CLASP1: variants seen among roughly 807,000 people sequenced by gnomAD.
The protein encoded by CLASP1 is cytoplasmic linker associated protein 1.
Under a neutral mutation model 192.3 loss-of-function variants are expected in CLASP1, and 38 were observed. The ratio of observed to expected loss-of-function variants is 0.20; its 90% CI spans 0.15 to 0.26. The LOEUF is 0.26. Ranked by LOEUF, CLASP1 falls within the 10% of genes least tolerant of loss-of-function variation. CLASP1 has a pLI of 1.00. For missense variants in CLASP1, 1,433 were observed against 1,932.5 expected, an observed-to-expected ratio of 0.74 and a Z score of 4.85; for synonymous variants, 691 against 712.8, an observed-to-expected ratio of 0.97 and a Z score of 0.49.
rs1355413063 is a variant in CLASP1, at chr2:121,629,830, GCCATTTTTGTT to G, written c.-286+19531_-286+19541del. Among the ~76,000 whole-genome samples, 3 of 148,844 alleles carry G rather than the reference GCCATTTTTGTT, an allele frequency of 2.0e-5. No individual in the cohort carries two copies. The East Asian group carries it at 5.8e-4, about 29-fold the overall frequency. ...AAGCAAACTAGAAAACAAAAATGAT[GCCATTTTTGTT>G]TATAAAATAAAAACTTTTTTTTATA... On this transcript the variant is annotated intron_variant, in intron 1 of 39. Coordinates refer to ENST00000263710, the Ensembl canonical transcript of CLASP1.
At chr2:121,405,301 C>T (rs1338169895) in intron 25 of CLASP1, among the ~76,000 whole-genome samples, 1 of 152,194 alleles carries the variant, frequency 6.6e-6, no homozygotes, top group Admixed American at 6.5e-5. Context: ...AAGAGCGAAA[C>T]TCAGTCTCAA....
At chr2:121,426,181 A>C (rs1284870900) in intron 21 of CLASP1, among the ~76,000 whole-genome samples, 3 of 152,166 alleles carry the variant, frequency 2.0e-5, no homozygotes, top group Non-Finnish European at 4.4e-5. Flanking sequence ...AAGAAAATGC[A>C]AAGTAAAATA....
chr2:121,479,903 A>T (rs1383683651), intron 8 of CLASP1, among the ~76,000 whole-genome samples: 1 of 152,254 alleles, frequency 6.6e-6, no homozygotes, highest in Non-Finnish European at 1.5e-5. Flanking sequence ...CATTTTTGAC[A>T]ATACAAAGGT....
intron 22 of CLASP1, among the ~76,000 whole-genome samples, chr2:121,420,234 C>T (rs974112477): frequency 6.6e-6 from 1 of 152,024 alleles, no homozygotes; most frequent in Non-Finnish European, 1.5e-5. Context: ...CTTAATTTTG[C>T]CAGAGTGATG....
At chr2:121,354,629 A>C (rs2065068760) in intron 37 of CLASP1, among the ~76,000 whole-genome samples, 1 of 152,008 alleles carries the variant, frequency 6.6e-6, no homozygotes, top group Non-Finnish European at 1.5e-5. Flanking sequence ...ATCATAACAC[A>C]CCAGCCTGAA....
intron 2 of CLASP1, chr2:121,530,851 C>G (rs1019166126): frequency 1.5e-6 from 1 of 668,250 alleles, no homozygotes; most frequent in Middle Eastern, 3.8e-4. Context: ...TTGGCGCTTC[C>G]TGCTTGCAGC....
intron 34 of CLASP1, among the ~76,000 whole-genome samples, chr2:121,368,431 C>T (rs952367148): frequency 6.6e-6 from 1 of 152,108 alleles, no homozygotes; most frequent in Non-Finnish European, 1.5e-5. Flanking sequence ...AAGAACAGGA[C>T]TTTAGTATTT....
At chr2:121,635,584 A>G (rs1395770047) in intron 1 of CLASP1, among the ~76,000 whole-genome samples, 1 of 152,220 alleles carries the variant, frequency 6.6e-6, no homozygotes, top group Non-Finnish European at 1.5e-5. Context: ...GAGAGGTCTG[A>G]TCTCTTAGGG....
intron 1 of CLASP1, among the ~76,000 whole-genome samples, chr2:121,616,015 TAAG>T (rs988765831): frequency 2.0e-5 from 3 of 151,916 alleles, no homozygotes; most frequent in African/African-American, 7.3e-5. Flanking sequence ...ATGTGGGGCG[TAAG>T]AAGGAGAAAA....
intron 2 of CLASP1, among the ~76,000 whole-genome samples, chr2:121,544,987 T>C (rs2312588): frequency 0.25 from 37,596 of 151,342 alleles, 7,438 homozygotes; most frequent in African/African-American, 0.55. Flanking sequence ...TCTTGGCTCA[T>C]TGCAACCTCT....
At chr2:121,638,675 T>TTA (rs976785842) in intron 1 of CLASP1, among the ~76,000 whole-genome samples, 7 of 128,366 alleles carry the variant, frequency 5.5e-5, no homozygotes, top group East Asian at 2.2e-4. Flanking sequence ...TTTTTATTTT[T>TTA]TTTTTTTTTG....
intron 6 of CLASP1, among the ~76,000 whole-genome samples, chr2:121,519,633 A>G (rs1215468809): frequency 6.6e-6 from 1 of 152,238 alleles, no homozygotes; most frequent in African/African-American, 2.4e-5. Context: ...TTTGTGACCT[A>G]TAGTTTGTAT....
At chr2:121,551,552 G>A (rs1422205744) in intron 2 of CLASP1, among the ~76,000 whole-genome samples, 1 of 152,030 alleles carries the variant, frequency 6.6e-6, no homozygotes, top group Non-Finnish European at 1.5e-5. Flanking sequence ...GTATACACCA[G>A]CAACAGGCAA....
chr2:121,409,391 G>A (rs939649198), intron 24 of CLASP1, among the ~76,000 whole-genome samples: 4 of 152,130 alleles, frequency 2.6e-5, no homozygotes, highest in Admixed American at 6.5e-5. Context: ...TCTATTCAGC[G>A]AGGCAAAGAT....
intron 2 of CLASP1, among the ~76,000 whole-genome samples, chr2:121,544,905 TTC>T (rs1256057542): frequency 1.1e-4 from 4 of 36,156 alleles, no homozygotes; most frequent in African/African-American, 5.9e-4. Context: ...TTCTTTTCTT[TTC>T]TTTTTTTTTT....
At chr2:121,377,907 G>A (rs761825583) in intron 33 of CLASP1, among the ~76,000 whole-genome samples, 2 of 152,106 alleles carry the variant, frequency 1.3e-5, no homozygotes, top group Non-Finnish European at 2.9e-5. Context: ...CCACGAGAAT[G>A]CAGGAACTCA....
In CLASP1 at chr2:121,367,846, A is replaced by G. The variant is rs767942296; in HGVS notation, c.3643-15T>C. ...TCGCGGGACACCTGCAGCACAGCAC[A>G]CTGTCAGTTCCCTTCTGGGACTTGT... is the stretch of plus-strand genomic sequence containing the variant. On this transcript the variant is annotated splice_polypyrimidine_tract_variant and intron_variant, in intron 34 of 39. Coordinates refer to ENST00000263710, the Ensembl canonical transcript of CLASP1. 1.9e-6 allele frequency: 3 copies of G among 1,611,322 alleles called. No homozygotes were observed. The highest frequency in any genetic ancestry group is 1.7e-5 in the Admixed American group (1 of 59,968).
chr2:121,426,377 T>C (rs1274176511), intron 21 of CLASP1, among the ~76,000 whole-genome samples: 3 of 151,934 alleles, frequency 2.0e-5, no homozygotes, highest in African/African-American at 4.8e-5. Flanking sequence ...TTTTGAAATA[T>C]AAAACTAAAA....
chr2:121,599,075 G>A (rs1039181135), intron 2 of CLASP1, among the ~76,000 whole-genome samples: 5 of 151,878 alleles, frequency 3.3e-5, no homozygotes, highest in South Asian at 2.1e-4. Flanking sequence ...ATGTTGGCCA[G>A]GCTGGTCGTG....
Sources: allele counts gnomAD v4.1 joint callset (sites outside exome capture counted in the v4.1 genomes callset), GRCh38; gene constraint gnomAD v4.1.1; transcripts MANE v1.5; gene names NCBI Gene and HGNC (gene_info 2026-07-23, HGNC 2026-07-21).